CDH4: variants seen among roughly 807,000 people sequenced by gnomAD.
The protein encoded by CDH4 is cadherin 4, also known as cadherin-4.
CDH4 carries 33 observed loss-of-function variants against 86.0 expected under a neutral mutation model. That is an observed-to-expected ratio of 0.38 (90% CI 0.29 to 0.51). CDH4 has a LOEUF of 0.51. Ranked by LOEUF, CDH4 falls within the 20% of genes least tolerant of loss-of-function variation. The probability of loss-of-function intolerance (pLI) is 0.86; values close to 1 mark genes in which losing one functional copy is unlikely to be tolerated. For missense variants in CDH4, 1,114 were observed against 1,307.4 expected (o/e 0.85, Z 2.28); for synonymous variants, 555 against 549.4 (o/e 1.01, Z -0.14).
intron 2 of CDH4, among the ~76,000 whole-genome samples, chr20:61,464,930 T>G (rs2085464487): frequency 6.6e-6 from 1 of 152,248 alleles, no homozygotes; most frequent in Non-Finnish European, 1.5e-5. Context: ...ATCCAGGTCA[T>G]GCATTTTACA....
chr20:61,759,917 C>G (rs1371969557), intron 3 of CDH4, among the ~76,000 whole-genome samples: 1 of 152,116 alleles, frequency 6.6e-6, no homozygotes, highest in African/African-American at 2.4e-5. Context: ...GTTAGGAATG[C>G]CGAGGTTGAG....
intron 3 of CDH4, among the ~76,000 whole-genome samples, chr20:61,755,864 T>C (rs2088559109): frequency 6.6e-6 from 1 of 152,120 alleles, no homozygotes; most frequent in South Asian, 2.1e-4. Flanking sequence ...TGCGCAGGTG[T>C]TGCACACTCA....
chr20:61,743,824 T>G, intron 3 of CDH4, 35 bp downstream of exon 3: 2 of 1,472,030 alleles, frequency 1.4e-6, no homozygotes, highest in Non-Finnish European at 1.9e-6. Flanking sequence ...CGCTGGAGTT[T>G]AGATGACCTA....
intron 2 of CDH4, among the ~76,000 whole-genome samples, chr20:61,535,363 G>A (rs1230184588): frequency 6.6e-6 from 1 of 152,208 alleles, no homozygotes; most frequent in Non-Finnish European, 1.5e-5. Context: ...TCAGCCTCGT[G>A]GGCACGGATC....
At chr20:61,410,030 G>A (rs559602546) in intron 2 of CDH4, among the ~76,000 whole-genome samples, 2 of 152,368 alleles carry the variant, frequency 1.3e-5, no homozygotes, top group South Asian at 4.1e-4. Context: ...GCAGCTCAGT[G>A]CAGAGCGGGG....
intron 6 of CDH4, among the ~76,000 whole-genome samples, chr20:61,869,799 G>T (rs181700108): frequency 1.3e-5 from 2 of 152,234 alleles, no homozygotes; most frequent in African/African-American, 4.8e-5. Flanking sequence ...TTCGATTGGT[G>T]GGGGAGGACC....
intron 3 of CDH4, among the ~76,000 whole-genome samples, chr20:61,753,079 G>A (rs1255969310): frequency 6.6e-6 from 1 of 152,094 alleles, no homozygotes; most frequent in Non-Finnish European, 1.5e-5. Context: ...AGTTCTGATG[G>A]GGGCACGTGG....
At chr20:61,723,116 G>A (rs2088061142) in intron 2 of CDH4, among the ~76,000 whole-genome samples, 1 of 152,180 alleles carries the variant, frequency 6.6e-6, no homozygotes, top group African/African-American at 2.4e-5. Flanking sequence ...ATCACCATGA[G>A]TCTGGTCATG....
chr20:61,928,120 T>C, intron 11 of CDH4, 70 bp from the exon 12 acceptor site: 1 of 1,163,644 alleles, frequency 8.6e-7, no homozygotes, highest in East Asian at 2.3e-5. Context: ...GTGCGTGTCC[T>C]GTGTGGAGCT....
chr20:61,718,164 G>A (rs1334830793), intron 2 of CDH4: 1 of 153,332 alleles, frequency 6.5e-6, no homozygotes, highest in Non-Finnish European at 1.5e-5. Context: ...CCACCCGGAA[G>A]ACTGAGCCGC....
chr20:61,876,412 C>A (rs114350960), intron 7 of CDH4, among the ~76,000 whole-genome samples: 1 of 152,298 alleles, frequency 6.6e-6, no homozygotes. Flanking sequence ...ATATCGGCCG[C>A]GAGAGAGCAA....
chr20:61,256,541 A>G (rs1465998143), intron 2 of CDH4, among the ~76,000 whole-genome samples: 1 of 152,156 alleles, frequency 6.6e-6, no homozygotes, highest in Non-Finnish European at 1.5e-5. Context: ...GCTCTTGATC[A>G]GTGTGGTGGG....
At chr20:61,271,555 G>A (rs1323446243) in intron 2 of CDH4, among the ~76,000 whole-genome samples, 6 of 152,218 alleles carry the variant, frequency 3.9e-5, no homozygotes, top group Admixed American at 1.3e-4. Context: ...CCGTGGCTTT[G>A]CATCCTACAA....
At chr20:61,658,243 G>A (rs1178347655) in intron 2 of CDH4, among the ~76,000 whole-genome samples, 1 of 151,798 alleles carries the variant, frequency 6.6e-6, no homozygotes, top group Non-Finnish European at 1.5e-5. Context: ...TATTAAAGAG[G>A]GCTCCATCGC....
At chr20:61,619,256 CCCAGCT>C (rs1221221731) in intron 2 of CDH4, among the ~76,000 whole-genome samples, 2 of 152,092 alleles carry the variant, frequency 1.3e-5, no homozygotes, top group Non-Finnish European at 2.9e-5. Context: ...CAGCCCCAGC[CCCAGCT>C]GCCATTCCCT....
chr20:61,293,383 T>A (rs1361078722), intron 2 of CDH4, among the ~76,000 whole-genome samples: 2 of 152,124 alleles, frequency 1.3e-5, no homozygotes, highest in South Asian at 4.2e-4. Flanking sequence ...TCTGGTCCCA[T>A]GGGTTCACAG....
At chr20:61,254,985 C>G (rs2084090812) in intron 2 of CDH4, 48 bp downstream of exon 2, 1 of 1,098,508 alleles carries the variant, frequency 9.1e-7, no homozygotes, top group Non-Finnish European at 1.4e-6. Flanking sequence ...CCATGCTTTT[C>G]CTTGGGGAAA....
At chr20:61,924,887 C>T (rs1336814704) in intron 11 of CDH4, among the ~76,000 whole-genome samples, 1 of 152,212 alleles carries the variant, frequency 6.6e-6, no homozygotes, top group Non-Finnish European at 1.5e-5. Flanking sequence ...GCACTGGAAT[C>T]AGGTCCACAG....
chr20:61,268,102 G>A (rs2084166221), intron 2 of CDH4, among the ~76,000 whole-genome samples: 1 of 152,138 alleles, frequency 6.6e-6, no homozygotes, highest in Admixed American at 6.6e-5. Flanking sequence ...GTGGCTGTGG[G>A]ACACACAGCC....
Sources: gnomAD v4.1 joint callset for allele counts (sites outside exome capture counted in the v4.1 genomes callset) on GRCh38, gnomAD v4.1.1 for gene constraint, MANE v1.5 for transcripts, NCBI Gene and HGNC (gene_info 2026-07-23, HGNC 2026-07-21) for gene names.